PTPRN2: variants seen among roughly 807,000 people sequenced by gnomAD.
PTPRN2 encodes the protein protein tyrosine phosphatase receptor type N2, also known as receptor-type tyrosine-protein phosphatase N2.
In PTPRN2, 74 loss-of-function variants were observed where a neutral mutation model predicts 118.8. The observed-to-expected ratio is 0.62, with a 90% CI of 0.52 to 0.76. The LOEUF (loss-of-function observed/expected upper bound fraction) is 0.76, where lower values mean the gene tolerates loss of function less well. Among genes scored for constraint, PTPRN2 ranks in the 30% least tolerant of loss-of-function variants. The pLI is 0.00. For missense variants in PTPRN2, 1,481 were observed against 1,394.4 expected, an observed-to-expected ratio of 1.06 and a Z score of -0.99; for synonymous variants, 641 against 608.0, an observed-to-expected ratio of 1.05 and a Z score of -0.80.
intron 2 of PTPRN2, among the ~76,000 whole-genome samples, chr7:158,368,171 C>T (rs553733064): frequency 2.0e-5 from 3 of 152,282 alleles, no homozygotes; most frequent in African/African-American, 4.8e-5. Context: ...ACAGGGCAAA[C>T]GTTTACAGTA....
intron 3 of PTPRN2, among the ~76,000 whole-genome samples, chr7:158,266,932 G>C (rs1341807145): frequency 1.3e-5 from 2 of 152,132 alleles, no homozygotes; most frequent in African/African-American, 4.8e-5. Context: ...GTGGTGGGGT[G>C]GCCCAGCTGC....
In PTPRN2 at chr7:158,133,856, C is replaced by G. The variant is rs757206635; in HGVS notation, c.1377G>C (p.Gln459His). ...SQTYSKDLLGQQPHSEPGAAA... is the reference protein window; with the variant it reads ...SQTYSKDLLGHQPHSEPGAAA... The stretch of plus-strand genomic sequence containing the variant: ...CGGCCCCGGGCTCCGAATGCGGCTG[C>G]TGCCCCAGCAGATCTTTGGAATACG... Residue 459 changes from glutamine (Q) to histidine (H), a missense_variant, in exon 9 of 23, where the codon CAG becomes CAC. Around this residue, in one of 3 missense-constraint regions of PTPRN2, gnomAD observed 1,115 missense variants for 994.2 expected, o/e 1.12. Coordinates refer to ENST00000389418, the MANE Select transcript of PTPRN2 (RefSeq NM_002847.5). The G allele has an allele frequency of 6.2e-7, 1 of 1,613,876 alleles. No homozygotes were observed.
chr7:157,701,847 G>T (rs976779540), intron 12 of PTPRN2, among the ~76,000 whole-genome samples: 1 of 150,518 alleles, frequency 6.6e-6, no homozygotes, highest in Admixed American at 6.6e-5. Flanking sequence ...AAGAAAGCCC[G>T]GTCGGTGCTG....
intron 1 of PTPRN2, among the ~76,000 whole-genome samples, chr7:158,535,444 C>T (rs960040574): frequency 2.6e-5 from 4 of 152,094 alleles, no homozygotes; most frequent in Non-Finnish European, 4.4e-5. Flanking sequence ...TGGGAGGGTA[C>T]CTGCATTTAA....
intron 15 of PTPRN2, among the ~76,000 whole-genome samples, chr7:157,620,181 C>T (rs1387969922): frequency 6.6e-6 from 1 of 152,176 alleles, no homozygotes; most frequent in Non-Finnish European, 1.5e-5. Context: ...ATCTAGGACC[C>T]CCTTCCTCCT....
chr7:157,617,681 C>T lies in PTPRN2; in HGVS notation c.2344+3681G>A, dbSNP rs922759355. On this transcript the variant is annotated intron_variant, in intron 15 of 22. Transcript: ENST00000389418. The surrounding 1 kb of genome is among the most constrained non-coding windows in gnomAD (Gnocchi z 7.5). ...ACTGGACCACGCTGCAAGGCAAGGG[C>T]CTGGGAGATGCCCACAGCCGCGCCT... 6.6e-6 allele frequency: 1 copy of T among 152,308 alleles called. No individual in the cohort carries two copies. The highest frequency in any genetic ancestry group is 1.5e-5 in the Non-Finnish European group (1 of 68,094). The allele number at this position is 152,308 out of a possible 1,614,324, so 9.4% of individuals were successfully genotyped here. A position where few individuals can be genotyped will look rare whatever the true frequency, so the allele number is the denominator to read the frequency against.
intron 3 of PTPRN2, among the ~76,000 whole-genome samples, chr7:158,270,822 CTCCACCTGGATGACCCCCT>C (rs1368003222): frequency 0.026 from 269 of 10,350 alleles, 28 homozygotes; most frequent in South Asian, 0.047. Context: ...GGACCGCCCC[CTCCACCTGGATGACCCCCT>C]CACCTGGACC....
chr7:157,743,990 G>A (rs1409488014), intron 12 of PTPRN2, among the ~76,000 whole-genome samples: 2 of 152,236 alleles, frequency 1.3e-5, no homozygotes, highest in African/African-American at 4.8e-5. Context: ...GTGCCGTGAC[G>A]GGGCGATGCT....
At chr7:157,878,172 T>C (rs1185717939) in intron 12 of PTPRN2, among the ~76,000 whole-genome samples, 1 of 152,230 alleles carries the variant, frequency 6.6e-6, no homozygotes, top group East Asian at 1.9e-4. Context: ...ACCCTCTTGG[T>C]GGCCTGTGGT....
chr7:157,639,013 G>A (rs987652998), intron 14 of PTPRN2, among the ~76,000 whole-genome samples: 48 of 151,982 alleles, frequency 3.2e-4, no homozygotes, highest in African/African-American at 1.0e-3. Context: ...GACAGCCATC[G>A]GTAGGATGTC....
At chr7:157,854,113 G>A (rs1809500888) in intron 12 of PTPRN2, among the ~76,000 whole-genome samples, 1 of 152,214 alleles carries the variant, frequency 6.6e-6, no homozygotes, top group Non-Finnish European at 1.5e-5. Context: ...CGTCTGCTAT[G>A]CTGTCACAGC....
At chr7:158,277,228 C>T (rs926368556) in intron 3 of PTPRN2, among the ~76,000 whole-genome samples, 3 of 152,226 alleles carry the variant, frequency 2.0e-5, no homozygotes, top group African/African-American at 7.2e-5. Context: ...ACTGTCAGAG[C>T]GGTGAGATGA....
intron 11 of PTPRN2, among the ~76,000 whole-genome samples, chr7:158,052,958 G>A (rs1383370610): frequency 6.6e-6 from 1 of 152,118 alleles, no homozygotes; most frequent in African/African-American, 2.4e-5. Context: ...CTGCACCTCG[G>A]GGGCTCCTGC....
At chr7:158,195,592 A>C (rs1439152547) in intron 4 of PTPRN2, among the ~76,000 whole-genome samples, 1 of 149,748 alleles carries the variant, frequency 6.7e-6, no homozygotes, top group Admixed American at 6.6e-5. Context: ...TGGCCTTTAG[A>C]TGTGTCCCAT....
intron 21 of PTPRN2, among the ~76,000 whole-genome samples, chr7:157,564,322 T>C (rs1226223197): frequency 6.6e-6 from 1 of 152,214 alleles, no homozygotes; most frequent in Non-Finnish European, 1.5e-5. Flanking sequence ...TTTTGCCACG[T>C]TGGCCAGGCT....
chr7:157,692,159 C>A (rs1456541418), intron 12 of PTPRN2, among the ~76,000 whole-genome samples: 2 of 152,284 alleles, frequency 1.3e-5, no homozygotes, highest in East Asian at 1.9e-4. Flanking sequence ...CCTCTCCCAC[C>A]GCCTGGCCAT....
At chr7:158,327,082 C>T (rs974168009) in intron 2 of PTPRN2, among the ~76,000 whole-genome samples, 1 of 152,012 alleles carries the variant, frequency 6.6e-6, no homozygotes, top group Admixed American at 6.6e-5. Flanking sequence ...CACACATTCT[C>T]ACATGCACTC....
intron 20 of PTPRN2, among the ~76,000 whole-genome samples, chr7:157,569,642 G>A (rs1382462424): frequency 6.6e-6 from 1 of 152,094 alleles, no homozygotes; most frequent in Non-Finnish European, 1.5e-5. Flanking sequence ...AGTAGCAAAG[G>A]AAAAAAAATT....
rs577709933 is a variant in PTPRN2, at chr7:158,062,912, G to A, written c.1723+18386C>T. ...CCCGACAAGCGCCGCCCCCTGCTCC[G>A]CGGCGCCCAGTCCCATTGACCGCCC... On this transcript the variant is annotated intron_variant, in intron 11 of 22. Transcript: ENST00000389418. Among the ~76,000 whole-genome samples, 163 of 152,328 alleles carry A rather than the reference G, an allele frequency of 1.1e-3. 1 individual carries two copies. The highest frequency in any genetic ancestry group is 3.3e-3 in the African/African-American group (137 of 41,590).
Sources: allele counts gnomAD v4.1 joint callset (sites outside exome capture counted in the v4.1 genomes callset), GRCh38; gene constraint gnomAD v4.1.1; regional missense constraint gnomAD v4.1.1; non-coding constraint Gnocchi (gnomAD v3.1); transcripts MANE v1.5; gene names NCBI Gene and HGNC (gene_info 2026-07-23, HGNC 2026-07-21).